The following RASSF3 variants were observed in gnomAD, a reference collection of about 807,000 sequenced individuals.
RASSF3 encodes ras association domain-containing protein 3.
RASSF3 carries 19 observed loss-of-function variants against 19.9 expected under a neutral mutation model. The ratio of observed to expected loss-of-function variants is 0.96; its 90% confidence interval spans 0.67 to 1.40. The LOEUF (loss-of-function observed/expected upper bound fraction) is 1.40, where lower values mean the gene tolerates loss of function less well. RASSF3 is among the 40% of genes most tolerant of loss of function. The probability of loss-of-function intolerance (pLI) is 0.00; values close to 1 mark genes in which losing one functional copy is unlikely to be tolerated. For synonymous variants in RASSF3, 110 were observed against 104.2 expected (o/e 1.06, Z -0.34); for missense variants, 306 against 289.8 (o/e 1.06, Z -0.41).
intron 1 of RASSF3, among the ~76,000 whole-genome samples, chr12:64,638,536 C>T (rs921671718): frequency 1.0e-4 from 15 of 150,302 alleles, no homozygotes; most frequent in Admixed American, 9.3e-4. Context: ...GCCGAGATCG[C>T]GCCACTGCAC....
chr12:64,610,616 G>C lies in RASSF3; in HGVS notation c.-17G>C. On this transcript the variant is annotated 5_prime_UTR_variant, in exon 1 of 5. Coordinates refer to ENST00000542104, the MANE Select transcript of RASSF3 (RefSeq NM_178169.4). Reference sequence around the variant, plus strand: ...TGCGCCCCGGGGAGGCCGCCCGCGCGCGACGGGACCGGCAGCATGAGCAGC... The same window carrying C: ...TGCGCCCCGGGGAGGCCGCCCGCGCCCGACGGGACCGGCAGCATGAGCAGC... 6.8e-7 allele frequency: 1 copy of C among 1,479,738 alleles called. No individual in the cohort carries two copies. Among genetic ancestry groups the C allele is most frequent in the Non-Finnish European group, 9.0e-7 (1 of 1,109,086 alleles). The allele number at this position is 1,479,738 out of a possible 1,614,324, so 91.7% of individuals were successfully genotyped here.
intron 1 of RASSF3, among the ~76,000 whole-genome samples, chr12:64,615,648 T>TA (rs1870528190): frequency 2.0e-5 from 3 of 152,044 alleles, no homozygotes; most frequent in Admixed American, 1.3e-4. Context: ...GTTTATGACA[T>TA]AATAGGTATT....
At chr12:64,686,221 T>A (rs1873346531) in intron 2 of RASSF3, among the ~76,000 whole-genome samples, 1 of 151,560 alleles carries the variant, frequency 6.6e-6, no homozygotes, top group African/African-American at 2.4e-5. Flanking sequence ...CTAAAACAGA[T>A]ACAAATTATC....
chr12:64,588,135 G>A (rs974604150), intron 2 of RASSF3, among the ~76,000 whole-genome samples: 1 of 152,046 alleles, frequency 6.6e-6, no homozygotes, highest in Admixed American at 6.6e-5. Context: ...GGAGTGCAGT[G>A]GCACCATCTC....
upstream of RASSF3, among the ~76,000 whole-genome samples, chr12:64,532,669 A>C (rs575813701): frequency 2.6e-5 from 4 of 151,702 alleles, no homozygotes; most frequent in African/African-American, 9.7e-5. Flanking sequence ...CCAAAAAAAA[A>C]AAAATTTTTT....
chr12:64,547,101 G>A (rs913894294), intron 2 of RASSF3, among the ~76,000 whole-genome samples: 4 of 151,792 alleles, frequency 2.6e-5, no homozygotes, highest in African/African-American at 9.7e-5. Flanking sequence ...GGTGAACCCC[G>A]TCTCTACTAA....
intron 2 of RASSF3, among the ~76,000 whole-genome samples, chr12:64,574,101 A>C (rs943260119): frequency 6.6e-6 from 1 of 151,872 alleles, no homozygotes; most frequent in Non-Finnish European, 1.5e-5. Flanking sequence ...TCAGGAGTTC[A>C]AGACCAACCT....
intron 1 of RASSF3, among the ~76,000 whole-genome samples, chr12:64,631,080 A>T (rs1871153122): frequency 6.6e-6 from 1 of 152,198 alleles, no homozygotes; most frequent in Non-Finnish European, 1.5e-5. Context: ...CTATGTGTGT[A>T]AAGCAAAAAA....
At chr12:64,635,737 CTG>C (rs1179058561) in intron 1 of RASSF3, among the ~76,000 whole-genome samples, 1 of 152,074 alleles carries the variant, frequency 6.6e-6, no homozygotes, top group Admixed American at 6.6e-5. Flanking sequence ...GTTAGGGTGA[CTG>C]TTGTGTTATT....
intron 1 of RASSF3, among the ~76,000 whole-genome samples, chr12:64,519,307 T>C (rs1435485301): frequency 2.0e-5 from 3 of 152,160 alleles, no homozygotes; most frequent in African/African-American, 7.2e-5. Flanking sequence ...CTTGGGAGAC[T>C]GAGGCACAAG....
At chr12:64,679,354 C>T (rs924327817) in intron 1 of RASSF3, among the ~76,000 whole-genome samples, 2 of 152,214 alleles carry the variant, frequency 1.3e-5, no homozygotes, top group African/African-American at 4.8e-5. Flanking sequence ...CCACCGCTCC[C>T]AGCCTGAACA....
chr12:64,549,166 C>T (rs1419173368), intron 2 of RASSF3, among the ~76,000 whole-genome samples: 1 of 152,134 alleles, frequency 6.6e-6, no homozygotes, highest in Non-Finnish European at 1.5e-5. Flanking sequence ...ATTAAAATCC[C>T]TGAGGGGTTT....
intron 2 of RASSF3, among the ~76,000 whole-genome samples, chr12:64,551,631 G>T (rs1869165801): frequency 6.6e-6 from 1 of 152,150 alleles, no homozygotes; most frequent in Non-Finnish European, 1.5e-5. Context: ...CATTGCTGTG[G>T]AGATTTAATT....
At chr12:64,565,826 T>C (rs916152175) in intron 2 of RASSF3, among the ~76,000 whole-genome samples, 5 of 148,662 alleles carry the variant, frequency 3.4e-5, no homozygotes, top group Non-Finnish European at 5.9e-5. Flanking sequence ...GAGGTTGCAC[T>C]GAAGCGAGAT....
intron 1 of RASSF3, among the ~76,000 whole-genome samples, chr12:64,638,578 TC>T (rs1871405693): frequency 1.3e-5 from 1 of 78,404 alleles, no homozygotes; most frequent in Admixed American, 1.2e-4. Flanking sequence ...AGACTCCGTC[TC>T]AAAAAAAAAA....
intron 1 of RASSF3, among the ~76,000 whole-genome samples, chr12:64,534,857 T>A (rs1868789106): frequency 6.6e-6 from 1 of 152,184 alleles, no homozygotes; most frequent in African/African-American, 2.4e-5. Flanking sequence ...CACGTGACCA[T>A]CTTACTACCA....
At chr12:64,681,770 T>C (rs1031361352) in intron 1 of RASSF3, among the ~76,000 whole-genome samples, 7 of 152,164 alleles carry the variant, frequency 4.6e-5, no homozygotes, top group African/African-American at 1.7e-4. Flanking sequence ...CTCAGCACTT[T>C]AGGAGACTAA....
chr12:64,635,066 A>C (rs965670651), intron 1 of RASSF3, among the ~76,000 whole-genome samples: 1 of 147,322 alleles, frequency 6.8e-6, no homozygotes, highest in African/African-American at 2.5e-5. Context: ...CCCTTTTCCC[A>C]CCTCAGCCTC....
intron 2 of RASSF3, among the ~76,000 whole-genome samples, chr12:64,563,702 G>A (rs539725215): frequency 5.3e-5 from 8 of 152,180 alleles, no homozygotes; most frequent in African/African-American, 1.7e-4. Flanking sequence ...GGTCCATTGC[G>A]TTCATTCTGC....
Sources: gnomAD v4.1 joint callset for allele counts (sites outside exome capture counted in the v4.1 genomes callset) on GRCh38, gnomAD v4.1.1 for gene constraint, MANE v1.5 for transcripts, NCBI Gene and HGNC (gene_info 2026-07-23, HGNC 2026-07-21) for gene names.